Variants in FGD3 observed in about 807,000 individuals in gnomAD.
The protein encoded by FGD3 is FYVE, RhoGEF and PH domain containing 3.
A neutral mutation model predicts 71.8 loss-of-function variants in FGD3; 45 were observed. The observed-to-expected ratio is 0.63, with a 90% CI of 0.49 to 0.80. The LOEUF (loss-of-function observed/expected upper bound fraction) is 0.80. FGD3 is among the 30% of genes least tolerant of loss of function. FGD3 has a pLI of 0.00. For synonymous variants in FGD3, 378 were observed against 392.8 expected (o/e 0.96, Z 0.44); for missense variants, 844 against 951.5 (o/e 0.89, Z 1.49).
intron 2 of FGD3, 47 bp downstream of exon 2, chr9:92,975,452 A>C (rs1342448739): frequency 6.6e-6 from 1 of 152,228 alleles, no homozygotes; most frequent in Non-Finnish European, 1.5e-5. Flanking sequence ...GCTCCTCGGC[A>C]GCTGCGTCTT....
intron 14 of FGD3, among the ~76,000 whole-genome samples, chr9:93,029,510 C>T (rs1303307823): frequency 1.3e-5 from 2 of 152,244 alleles, no homozygotes; most frequent in Non-Finnish European, 2.9e-5. Context: ...CCCAGGGCTG[C>T]AGGCCATGGC....
intron 8 of FGD3, among the ~76,000 whole-genome samples, chr9:93,011,810 C>T (rs1163561590): frequency 1.3e-5 from 2 of 150,502 alleles, no homozygotes; most frequent in Non-Finnish European, 2.9e-5. Context: ...GAGCCGAGAT[C>T]GTGCCACTGC....
At position 93,011,117 on chromosome 9, in the gene FGD3, C is replaced by A. The variant is rs1014094924; in HGVS notation, c.977-97C>A. ...CCCTGGGAAAGGCTGAGGGCAGAGA[C>A]AGATCCTCTCTCTGGAGGCAGCTGC... On this transcript the variant is annotated intron_variant, in intron 7 of 17. Transcript: ENST00000375482. The A allele has an allele frequency of 4.0e-6, 5 of 1,239,010 alleles. No homozygotes were observed. The African/African-American group carries it at 4.4e-5, about 11-fold the overall frequency. The allele number at this position is 1,239,010 out of a possible 1,614,324, so 76.8% of individuals were successfully genotyped here. A position where few individuals can be genotyped will look rare whatever the true frequency, so the allele number is the denominator to read the frequency against.
intron 3 of FGD3, among the ~76,000 whole-genome samples, chr9:92,980,283 G>C (rs1359379676): frequency 6.6e-6 from 1 of 152,150 alleles, no homozygotes; most frequent in Non-Finnish European, 1.5e-5. Flanking sequence ...GGCCTCCCAA[G>C]TGCTGGGATT....
intron 13 of FGD3, among the ~76,000 whole-genome samples, chr9:93,021,433 G>A (rs1198272812): frequency 6.6e-6 from 1 of 152,188 alleles, no homozygotes; most frequent in Non-Finnish European, 1.5e-5. Flanking sequence ...CAGGGAGAGA[G>A]GATTGGGTGA....
At chr9:92,967,299 C>T (rs1273466233) in intron 1 of FGD3, among the ~76,000 whole-genome samples, 7 of 151,396 alleles carry the variant, frequency 4.6e-5, no homozygotes, top group Non-Finnish European at 1.0e-4. Flanking sequence ...ACAGTGCCCT[C>T]AGCACATTCA....
chr9:93,008,081 G>T (rs912121789), intron 6 of FGD3, among the ~76,000 whole-genome samples: 1 of 152,120 alleles, frequency 6.6e-6, no homozygotes, highest in African/African-American at 2.4e-5. Flanking sequence ...ACCTTTACAG[G>T]AAAGTTGCAA....
At chr9:93,004,925 G>A (rs932928445) in intron 5 of FGD3, among the ~76,000 whole-genome samples, 3 of 152,196 alleles carry the variant, frequency 2.0e-5, no homozygotes, top group Non-Finnish European at 4.4e-5. Context: ...ACATGGTCCA[G>A]CTGCCGAACA....
chr9:93,029,051 G>T (rs1395068351), intron 14 of FGD3, among the ~76,000 whole-genome samples: 1 of 109,046 alleles, frequency 9.2e-6, no homozygotes. Flanking sequence ...ACAGAATCTC[G>T]CTCTATAGCC....
intron 9 of FGD3, 92 bp downstream of exon 9, chr9:93,014,090 G>A: frequency 6.9e-7 from 1 of 1,456,590 alleles, no homozygotes; most frequent in Non-Finnish European, 9.1e-7. Context: ...GGCTGCCCAA[G>A]GACATGGCTC....
intron 10 of FGD3, among the ~76,000 whole-genome samples, chr9:93,017,129 A>T (rs143303848): frequency 6.6e-6 from 1 of 151,724 alleles, no homozygotes; most frequent in South Asian, 2.1e-4. Flanking sequence ...TTAGCCAGGC[A>T]TGGTGGCGCA....
At chr9:92,950,694 C>T (rs1432184995) in intron 1 of FGD3, among the ~76,000 whole-genome samples, 1 of 152,140 alleles carries the variant, frequency 6.6e-6, no homozygotes, top group Admixed American at 6.5e-5. Context: ...CCCTTCTGAC[C>T]CCTGGTAGGG....
In FGD3 at chr9:93,003,069, T is replaced by A; in HGVS notation, c.543+55T>A. On this transcript the variant is annotated intron_variant, in intron 4 of 17. Transcript: ENST00000375482. The surrounding 1 kb of genome is among the most constrained non-coding windows in gnomAD (Gnocchi z 4.1). ...GTATCTCTTAGCATTGGCTGGGCAT[T>A]ATAGGTGCAGTGTGAATGACTTAAA... 1 of 1,509,652 alleles carries A rather than the reference T, an allele frequency of 6.6e-7. No homozygotes were observed. Among genetic ancestry groups the A allele is most frequent in the African/African-American group, 1.4e-5 (1 of 72,872 alleles). The allele number at this position is 1,509,652 out of a possible 1,614,324, so 93.5% of individuals were successfully genotyped here. A position where few individuals can be genotyped will look rare whatever the true frequency, so the allele number is the denominator to read the frequency against.
At chr9:93,030,325 G>C (rs575961250) in intron 15 of FGD3, among the ~76,000 whole-genome samples, 1 of 152,304 alleles carries the variant, frequency 6.6e-6, no homozygotes, top group Admixed American at 6.5e-5. Flanking sequence ...AGGTGTATTG[G>C]AGACGGGTGA....
At chr9:92,954,930 A>G (rs974261662) in intron 1 of FGD3, among the ~76,000 whole-genome samples, 1 of 152,174 alleles carries the variant, frequency 6.6e-6, no homozygotes, top group African/African-American at 2.4e-5. Context: ...TGCTTGGAGC[A>G]TCGTTGCCTG....
intron 1 of FGD3, among the ~76,000 whole-genome samples, chr9:92,950,214 G>A (rs1439600644): frequency 2.7e-4 from 41 of 151,906 alleles, no homozygotes; most frequent in Non-Finnish European, 8.8e-5. Context: ...TCAGGAGATC[G>A]AGACCATCCT....
chr9:93,013,023 C>T (rs1861499067), intron 8 of FGD3, among the ~76,000 whole-genome samples: 1 of 152,078 alleles, frequency 6.6e-6, no homozygotes, highest in South Asian at 2.1e-4. Flanking sequence ...GCACACCCAG[C>T]CCCCAGTAGT....
intron 13 of FGD3, among the ~76,000 whole-genome samples, chr9:93,020,989 T>C (rs1861896810): frequency 6.6e-6 from 1 of 152,212 alleles, no homozygotes; most frequent in East Asian, 1.9e-4. Context: ...TGGTGCCTTC[T>C]GCACAGCATC....
Position 93,006,196 on chromosome 9 carries a change from G to T in FGD3, c.837+16G>T. The stretch of plus-strand genomic sequence containing the variant: ...CAGCATCCAGGTAAGGCCGGCAGTG[G>T]GAGTGTGGACACAGATGTTCTCAAG... On this transcript the variant is annotated intron_variant, in intron 6 of 17. Transcript: ENST00000375482. The T allele has an allele frequency of 1.3e-6, 2 of 1,539,938 alleles. No homozygotes were observed. Among genetic ancestry groups the T allele is most frequent in the Non-Finnish European group, 1.8e-6 (2 of 1,139,066 alleles).
Sources: gnomAD v4.1 joint callset for allele counts (sites outside exome capture counted in the v4.1 genomes callset) on GRCh38, gnomAD v4.1.1 for gene constraint, Gnocchi (gnomAD v3.1) non-coding constraint, MANE v1.5 for transcripts, NCBI Gene and HGNC (gene_info 2026-07-23, HGNC 2026-07-21) for gene names.